Variants in PINX1 observed in about 807,000 individuals in gnomAD.
PINX1 encodes PIN2/TERF1-interacting telomerase inhibitor 1.
PINX1 carries 34 observed loss-of-function variants against 25.4 expected under a neutral mutation model. That is an observed-to-expected ratio of 1.34 (90% CI 1.02 to 1.78). The LOEUF is 1.78. PINX1 is among the 40% of genes most tolerant of loss of function. PINX1 has a pLI of 0.00. For missense variants in PINX1, 592 were observed against 404.9 expected (o/e 1.46, Z -3.97); for synonymous variants, 197 against 147.7 (o/e 1.33, Z -2.42).
intron 4 of PINX1, among the ~76,000 whole-genome samples, chr8:10,829,560 C>T (rs1338609288): frequency 1.3e-5 from 2 of 152,114 alleles, no homozygotes; most frequent in Admixed American, 1.3e-4. Flanking sequence ...AGCAATTTAC[C>T]GAATGTCATA....
intron 6 of PINX1, among the ~76,000 whole-genome samples, chr8:10,790,570 C>G (rs1801891831): frequency 6.6e-6 from 1 of 152,154 alleles, no homozygotes; most frequent in African/African-American, 2.4e-5. Context: ...ATACTGTCAG[C>G]CCCCAATCCC....
chr8:10,766,324 T>A (rs1355845109), intron 6 of PINX1, among the ~76,000 whole-genome samples: 1 of 152,216 alleles, frequency 6.6e-6, no homozygotes, highest in Non-Finnish European at 1.5e-5. Flanking sequence ...GCTTGGTGAT[T>A]TTGTTAGACA....
intron 4 of PINX1, among the ~76,000 whole-genome samples, chr8:10,827,609 A>T (rs1209458828): frequency 6.6e-6 from 1 of 151,980 alleles, no homozygotes; most frequent in Admixed American, 6.6e-5. Context: ...GAGGTTAGAG[A>T]AACTGGAAAA....
At chr8:10,773,812 G>T (rs1433091903) in intron 6 of PINX1, among the ~76,000 whole-genome samples, 1 of 152,160 alleles carries the variant, frequency 6.6e-6, no homozygotes, top group Admixed American at 6.5e-5. Flanking sequence ...AGCCTCTGTG[G>T]AAAAAGAGGA....
chr8:10,767,051 T>C (rs767567566), intron 6 of PINX1, among the ~76,000 whole-genome samples: 15 of 152,208 alleles, frequency 9.9e-5, no homozygotes, highest in Admixed American at 9.2e-4. Context: ...TAGGTTTTCA[T>C]AGTCACCCAA....
chr8:10,782,039 C>T (rs563868393), intron 6 of PINX1, among the ~76,000 whole-genome samples: 11 of 151,726 alleles, frequency 7.2e-5, no homozygotes, highest in East Asian at 1.9e-4. Context: ...CCATTTGCCA[C>T]GACATGGATG....
In PINX1 at chr8:10,765,809, G is replaced by C. The variant is rs780008072; in HGVS notation, c.579C>G (p.Pro193=). Residue 193 remains proline, a synonymous_variant, in exon 7 of 7, where the codon CCC becomes CCG. Coordinates refer to ENST00000314787, the MANE Select transcript of PINX1 (RefSeq NM_017884.6). ...TGTCAGACCCTGGAACTGGAACCTGGGGCTTGTTCTTCAGTGCTGCCATCC... is the reference window on the plus strand; with the variant it reads ...TGTCAGACCCTGGAACTGGAACCTGCGGCTTGTTCTTCAGTGCTGCCATCC... ...AKRMAALKNK[P]QVPVPGSDIS... 9 of 1,613,800 alleles carry C rather than the reference G, an allele frequency of 5.6e-6. No homozygotes were observed. The highest frequency in any genetic ancestry group is 7.6e-6 in the Non-Finnish European group (9 of 1,179,902).
rs144460498 is a variant in PINX1, at chr8:10,791,176, T to G, written c.472-25260A>C. Among the ~76,000 whole-genome samples, 1,197 of 152,322 alleles carry G rather than the reference T, an allele frequency of 7.9e-3. 18 individuals are homozygous for G. Among genetic ancestry groups the G allele is most frequent in the African/African-American group, 0.027 (1,134 of 41,560 alleles). On this transcript the variant is annotated intron_variant, in intron 6 of 6. Coordinates refer to ENST00000314787, the MANE Select transcript of PINX1 (RefSeq NM_017884.6). ...ATCTGCCTGCCTCAGCCTTCCAAAG[T>G]GCTGGGATGACAGGCATGAGCCATC...
intron 3 of PINX1, among the ~76,000 whole-genome samples, 167 bp from the exon 4 acceptor site, chr8:10,831,910 G>C (rs887489535): frequency 6.6e-6 from 1 of 152,174 alleles, no homozygotes; most frequent in Non-Finnish European, 1.5e-5. Flanking sequence ...ATAATATAAA[G>C]TTAAAATGCT....
In PINX1 at chr8:10,767,191, T is replaced by G. The variant is rs148669714; in HGVS notation, c.472-1275A>C. Among the ~76,000 whole-genome samples the G allele has an allele frequency of 6.0e-3, 911 of 152,298 alleles. 10 individuals are homozygous for G. The highest frequency in any genetic ancestry group is 0.021 in the African/African-American group (874 of 41,574). Reference sequence around the variant, plus strand: ...AGGATTCTACTAATGATCCTAAACTTGGCTGGCAAGGTTCTGCTTGTGCAG... The same window carrying G: ...AGGATTCTACTAATGATCCTAAACTGGGCTGGCAAGGTTCTGCTTGTGCAG... On this transcript the variant is annotated intron_variant, in intron 6 of 6. Coordinates refer to ENST00000314787, the MANE Select transcript of PINX1 (RefSeq NM_017884.6).
intron 6 of PINX1, among the ~76,000 whole-genome samples, chr8:10,774,200 G>T (rs937547193): frequency 4.6e-5 from 7 of 152,076 alleles, no homozygotes; most frequent in African/African-American, 1.7e-4. Context: ...CAACTCAAAT[G>T]TAGGCTCCTT....
rs762301268 is a variant in PINX1, at chr8:10,826,217, G to C, written c.329C>G (p.Ser110Cys). The change falls in exon 5 of 7, where the codon TCT becomes TGT. Residue 110 changes from serine (S) to cysteine (C), a missense_variant. Transcript: ENST00000314787. ...TDSSDKKEKK[S>C]FSLEEKSKIS... ...TTTGGACTTTTCCTCAAGGCTAAAA[G>C]ATTTCTTTTCCTTCTTGTCCGAGGA... 3 of 1,591,024 alleles carry C rather than the reference G, an allele frequency of 1.9e-6. No individual in the cohort carries two copies. The highest frequency in any genetic ancestry group is 1.3e-5 in the African/African-American group (1 of 74,262).
intron 6 of PINX1, among the ~76,000 whole-genome samples, chr8:10,805,048 C>T (rs926526895): frequency 1.3e-5 from 2 of 152,084 alleles, no homozygotes; most frequent in Admixed American, 1.3e-4. Context: ...ATCACAAATA[C>T]AGTTTCCACT....
At chr8:10,804,049 G>A (rs770198259) in intron 6 of PINX1, among the ~76,000 whole-genome samples, 18 of 152,092 alleles carry the variant, frequency 1.2e-4, no homozygotes, top group Non-Finnish European at 2.4e-4. Context: ...AACTACTAAC[G>A]ACCCTGAGCC....
chr8:10,802,061 A>C (rs1410616075), intron 6 of PINX1, among the ~76,000 whole-genome samples: 1 of 152,212 alleles, frequency 6.6e-6, no homozygotes, highest in Non-Finnish European at 1.5e-5. Context: ...TGTACAAAGA[A>C]GAAAAAGCAA....
intron 6 of PINX1, among the ~76,000 whole-genome samples, chr8:10,818,106 C>T (rs1586190668): frequency 6.6e-6 from 1 of 152,020 alleles, no homozygotes; most frequent in Non-Finnish European, 1.5e-5. Context: ...GAGAGCAGGG[C>T]CTGGTAGAAG....
At chr8:10,793,062 A>G (rs1207561580) in intron 6 of PINX1, among the ~76,000 whole-genome samples, 1 of 152,096 alleles carries the variant, frequency 6.6e-6, no homozygotes, top group Non-Finnish European at 1.5e-5. Flanking sequence ...ACCCTCGCTA[A>G]CATCTACTGA....
At chr8:10,839,045 C>A (rs1798489334) in intron 1 of PINX1, among the ~76,000 whole-genome samples, 1 of 152,186 alleles carries the variant, frequency 6.6e-6, no homozygotes, top group Non-Finnish European at 1.5e-5. Context: ...AGGATCAAAG[C>A]ATGACTGCCA....
intron 6 of PINX1, among the ~76,000 whole-genome samples, chr8:10,806,393 A>T (rs189618467): frequency 6.6e-6 from 1 of 150,502 alleles, no homozygotes; most frequent in East Asian, 1.9e-4. Flanking sequence ...TGAGGAGCAA[A>T]CAGAGTAAGT....
Sources: allele counts gnomAD v4.1 joint callset (sites outside exome capture counted in the v4.1 genomes callset), GRCh38; gene constraint gnomAD v4.1.1; transcripts MANE v1.5; gene names NCBI Gene and HGNC (gene_info 2026-07-23, HGNC 2026-07-21).